The following IQCM variants were observed in gnomAD, a reference collection of about 807,000 sequenced individuals.
IQCM encodes the protein IQ motif containing M.
Under a neutral mutation model 57.6 loss-of-function variants are expected in IQCM, and 45 were observed. The observed-to-expected ratio is 0.78, with a 90% CI of 0.62 to 1.00. IQCM has a LOEUF of 1.00. IQCM is among the 50% of genes least tolerant of loss of function. The pLI, the probability that IQCM is intolerant of heterozygous loss-of-function variation, is 0.00. For synonymous variants in IQCM, 148 were observed against 158.9 expected (o/e 0.93, Z 0.51); for missense variants, 468 against 511.6 (o/e 0.91, Z 0.82).
At chr4:149,702,325 CA>C (rs1763834656) in intron 5 of IQCM, among the ~76,000 whole-genome samples, 1 of 151,546 alleles carries the variant, frequency 6.6e-6, no homozygotes, top group African/African-American at 2.4e-5. Flanking sequence ...CACACACACA[CA>C]CACACCCATA....
chr4:149,622,412 G>A (rs965794933), intron 7 of IQCM, among the ~76,000 whole-genome samples: 4 of 148,842 alleles, frequency 2.7e-5, no homozygotes, highest in African/African-American at 7.5e-5. Context: ...GTGCGATCTC[G>A]GCTCACTGCA....
chr4:149,723,081 T>G (rs1765587670), intron 5 of IQCM, among the ~76,000 whole-genome samples: 1 of 152,058 alleles, frequency 6.6e-6, no homozygotes, highest in South Asian at 2.1e-4. Flanking sequence ...TATTTGATTC[T>G]CAGGTTGGTC....
intron 13 of IQCM, among the ~76,000 whole-genome samples, chr4:149,371,259 T>C (rs1730350427): frequency 6.6e-6 from 1 of 152,160 alleles, no homozygotes; most frequent in South Asian, 2.1e-4. Context: ...ACCAAAGTAC[T>C]CTGGAGCCAA....
intron 13 of IQCM, among the ~76,000 whole-genome samples, chr4:149,411,057 T>C (rs1733351525): frequency 6.6e-6 from 1 of 152,258 alleles, no homozygotes; most frequent in Admixed American, 6.5e-5. Context: ...GATATGGGCA[T>C]CCTGTTTCTA....
At chr4:149,758,608 C>A (rs1342179316) in intron 2 of IQCM, among the ~76,000 whole-genome samples, 1 of 152,090 alleles carries the variant, frequency 6.6e-6, no homozygotes, top group East Asian at 1.9e-4. Flanking sequence ...TTAAAATATA[C>A]AAAGAATTCT....
intron 12 of IQCM, among the ~76,000 whole-genome samples, chr4:149,445,107 G>A (rs1270088547): frequency 6.6e-6 from 1 of 151,828 alleles, no homozygotes; most frequent in Non-Finnish European, 1.5e-5. Context: ...GAGACATTTT[G>A]GTGACAATCA....
intron 13 of IQCM, among the ~76,000 whole-genome samples, chr4:149,394,711 T>G (rs951874178): frequency 2.6e-5 from 4 of 151,952 alleles, no homozygotes; most frequent in African/African-American, 9.7e-5. Flanking sequence ...TGCCACTACT[T>G]GAAAACTGGC....
chr4:149,556,232 T>C (rs1749565728), intron 10 of IQCM, among the ~76,000 whole-genome samples: 1 of 152,172 alleles, frequency 6.6e-6, no homozygotes, highest in African/African-American at 2.4e-5. Flanking sequence ...AAATGTATTA[T>C]ACTTATCAAC....
rs72957424 is a variant in IQCM at position 149,595,464 on chromosome 4, C to A, written c.682-7467G>T. ...ACTGTGAAGAGAAAATTATTAATTGCAAATACATATAAAATTACAAATTAT... is the reference window on the plus strand; with the variant it reads ...ACTGTGAAGAGAAAATTATTAATTGAAAATACATATAAAATTACAAATTAT... On this transcript the variant is annotated intron_variant, in intron 8 of 13. Transcript: ENST00000636793. Among the ~76,000 whole-genome samples, 377 of 152,120 alleles carry A rather than the reference C, an allele frequency of 2.5e-3. 3 individuals carry two copies. Among genetic ancestry groups the A allele is most frequent in the African/African-American group, 8.5e-3 (353 of 41,502 alleles).
chr4:149,452,907 C>T (rs1274360606), intron 12 of IQCM, among the ~76,000 whole-genome samples: 2 of 150,590 alleles, frequency 1.3e-5, no homozygotes, highest in Non-Finnish European at 3.0e-5. Flanking sequence ...AAAAAAAAAG[C>T]TTTAAACAAA....
At chr4:149,667,728 G>C (rs901299450) in intron 7 of IQCM, among the ~76,000 whole-genome samples, 2 of 151,944 alleles carry the variant, frequency 1.3e-5, no homozygotes, top group Middle Eastern at 3.4e-3. Context: ...GTTTAGAGAA[G>C]AACATAAATG....
At chr4:149,809,106 A>T (rs892231963) in intron 2 of IQCM, among the ~76,000 whole-genome samples, 8 of 152,118 alleles carry the variant, frequency 5.3e-5, no homozygotes, top group African/African-American at 1.9e-4. Flanking sequence ...CTTAGACAAG[A>T]TTCATTGAAG....
intron 12 of IQCM, among the ~76,000 whole-genome samples, chr4:149,460,614 G>A (rs1160537525): frequency 1.3e-5 from 2 of 151,718 alleles, no homozygotes; most frequent in African/African-American, 4.8e-5. Flanking sequence ...TCACATAAGA[G>A]GATCAATAGT....
intron 12 of IQCM, among the ~76,000 whole-genome samples, chr4:149,505,245 C>G (rs1421850579): frequency 6.6e-6 from 1 of 152,062 alleles, no homozygotes; most frequent in African/African-American, 2.4e-5. Flanking sequence ...CGAAAGAAAA[C>G]AGAAATTGCT....
intron 12 of IQCM, among the ~76,000 whole-genome samples, chr4:149,487,263 G>T (rs1741618858): frequency 6.6e-6 from 1 of 152,130 alleles, no homozygotes. Context: ...TCACAACTCT[G>T]CCCAGTGCCC....
At chr4:149,535,979 A>T (rs915939864) in intron 12 of IQCM, among the ~76,000 whole-genome samples, 1 of 151,978 alleles carries the variant, frequency 6.6e-6, no homozygotes, top group African/African-American at 2.4e-5. Flanking sequence ...ACCATCTTTA[A>T]AAAGTGCTAG....
intron 12 of IQCM, among the ~76,000 whole-genome samples, chr4:149,546,086 G>A (rs891839013): frequency 6.6e-6 from 1 of 152,054 alleles, no homozygotes; most frequent in Non-Finnish European, 1.5e-5. Flanking sequence ...TTTTGTCCTT[G>A]TGATAGTTTG....
chr4:149,364,006 G>A (rs1729668170), intron 13 of IQCM, among the ~76,000 whole-genome samples: 1 of 152,252 alleles, frequency 6.6e-6, no homozygotes, highest in African/African-American at 2.4e-5. Context: ...ATATCAGACA[G>A]AACCTAAAGA....
At position 149,682,161 on chromosome 4, in the gene IQCM, G is replaced by C; in HGVS notation, c.522C>G (p.Tyr174Ter). The C allele has an allele frequency of 8.2e-7, 1 of 1,226,170 alleles. No homozygotes were observed. The highest frequency in any genetic ancestry group is 1.0e-6 in the Non-Finnish European group (1 of 983,052). The allele number at this position is 1,226,170 out of a possible 1,614,324, so 76.0% of individuals were successfully genotyped here. ...CCAAGTTAGAGGTCCCAGGTTGTAA[G>C]TAAAGATGGACAGGAAAGGGATAGA... Reference protein sequence around the residue: ...ELLYPFPVHLYLQPGTSNLEL... With the variant: ...ELLYPFPVHL The change falls in exon 7 of 14, where the codon TAC (tyrosine) becomes TAG (stop). Residue 174 changes from tyrosine to a stop codon, truncating the protein, a stop_gained. Coordinates refer to ENST00000636793, the MANE Select transcript of IQCM (RefSeq NM_001363507.2). LOFTEE classifies it high-confidence loss of function.
Sources: allele counts gnomAD v4.1 joint callset (sites outside exome capture counted in the v4.1 genomes callset), GRCh38; gene constraint gnomAD v4.1.1; transcripts MANE v1.5; gene names NCBI Gene and HGNC (gene_info 2026-07-23, HGNC 2026-07-21).